FAM110B: variants seen among roughly 807,000 people sequenced by gnomAD.
FAM110B encodes protein FAM110B.
A neutral mutation model predicts 20.4 loss-of-function variants in FAM110B; 6 were observed. That is an observed-to-expected ratio of 0.29 (90% CI 0.16 to 0.58). The LOEUF (loss-of-function observed/expected upper bound fraction) is 0.58, where lower values mean the gene tolerates loss of function less well. FAM110B is among the 20% of genes least tolerant of loss of function. FAM110B has a pLI of 0.90. For synonymous variants in FAM110B, 226 were observed against 214.1 expected, an observed-to-expected ratio of 1.06 and a Z score of -0.49; for missense variants, 434 against 498.2, an observed-to-expected ratio of 0.87 and a Z score of 1.23.
At chr8:57,999,021 A>G (rs1333133859) in intron 1 of FAM110B, among the ~76,000 whole-genome samples, 1 of 152,216 alleles carries the variant, frequency 6.6e-6, no homozygotes. Flanking sequence ...AGAAACTGGC[A>G]TTCAAAGACA....
At chr8:58,126,211 C>A (rs572888264) in intron 3 of FAM110B, among the ~76,000 whole-genome samples, 1 of 151,940 alleles carries the variant, frequency 6.6e-6, no homozygotes, top group African/African-American at 2.4e-5. Context: ...ACATCCCAGT[C>A]GTTGCATGCC....
chr8:58,020,538 G>A (rs1212561970), intron 1 of FAM110B, among the ~76,000 whole-genome samples: 1 of 152,180 alleles, frequency 6.6e-6, no homozygotes, highest in African/African-American at 2.4e-5. Flanking sequence ...ATTAGGTTGA[G>A]TTCACCTAAT....
chr8:58,005,617 A>T lies in FAM110B; in HGVS notation c.-512+10811A>T, dbSNP rs182066904. Among the ~76,000 whole-genome samples the T allele has an allele frequency of 8.5e-5, 13 of 152,350 alleles. No homozygotes were observed. In the East Asian group the frequency reaches 2.5e-3, roughly 29 times the overall value. ...TGGTGAACATTGTCTATGAAACAAAAACAGTGGTGTCGTTGATACCCCTTT... is the reference window on the plus strand; with the variant it reads ...TGGTGAACATTGTCTATGAAACAAATACAGTGGTGTCGTTGATACCCCTTT... On this transcript the variant is annotated intron_variant, in intron 1 of 3. Transcript: ENST00000519262.
At chr8:58,026,208 A>G (rs1585821299) in intron 1 of FAM110B, among the ~76,000 whole-genome samples, 1 of 152,244 alleles carries the variant, frequency 6.6e-6, no homozygotes, top group Non-Finnish European at 1.5e-5. Flanking sequence ...TATTTCTGCC[A>G]TAGCTAACAG....
At chr8:58,068,632 G>C (rs749822917) in intron 2 of FAM110B, among the ~76,000 whole-genome samples, 2 of 151,716 alleles carry the variant, frequency 1.3e-5, no homozygotes, top group Admixed American at 1.3e-4. Context: ...AGGGAAGTTT[G>C]CATTTTATCT....
intron 3 of FAM110B, among the ~76,000 whole-genome samples, chr8:58,098,166 C>G (rs1395618468): frequency 6.6e-6 from 1 of 152,240 alleles, no homozygotes; most frequent in Non-Finnish European, 1.5e-5. Flanking sequence ...CCCAGGTGTT[C>G]TGTCCCAGGG....
chr8:58,106,612 G>C (rs897504155), intron 3 of FAM110B, among the ~76,000 whole-genome samples: 3 of 152,134 alleles, frequency 2.0e-5, no homozygotes, highest in Non-Finnish European at 4.4e-5. Context: ...GAGGAATGGG[G>C]TTTTGACAGA....
chr8:58,088,123 T>C (rs1585875379), intron 3 of FAM110B, among the ~76,000 whole-genome samples: 1 of 152,222 alleles, frequency 6.6e-6, no homozygotes, highest in African/African-American at 2.4e-5. Flanking sequence ...TTTATTTTGA[T>C]AGTAGTTTTA....
intron 3 of FAM110B, among the ~76,000 whole-genome samples, chr8:58,079,783 A>T (rs947663494): frequency 7.5e-6 from 1 of 133,510 alleles, no homozygotes; most frequent in Non-Finnish European, 1.5e-5. Flanking sequence ...CCCTATCTTT[A>T]AAAAAAAAAA....
intron 2 of FAM110B, among the ~76,000 whole-genome samples, chr8:58,067,843 C>T (rs530163261): frequency 6.6e-6 from 1 of 152,276 alleles, no homozygotes; most frequent in South Asian, 2.1e-4. Flanking sequence ...CAAGAGGACT[C>T]ATTCCAGAGG....
chr8:58,054,876 AAC>A (rs1206792493), intron 2 of FAM110B, among the ~76,000 whole-genome samples: 1 of 152,090 alleles, frequency 6.6e-6, no homozygotes, highest in Non-Finnish European at 1.5e-5. Flanking sequence ...CTTAAAAATT[AAC>A]AGTTATTTCA....
intron 3 of FAM110B, among the ~76,000 whole-genome samples, chr8:58,129,059 G>A (rs1807584182): frequency 6.6e-6 from 1 of 152,102 alleles, no homozygotes; most frequent in Non-Finnish European, 1.5e-5. Flanking sequence ...AATAGATGAA[G>A]GTTTAAAAGA....
At position 58,147,043 on chromosome 8, in the gene FAM110B, C is replaced by T. The variant is rs751769020; in HGVS notation, c.813C>T (p.Asp271=). The stretch of plus-strand genomic sequence containing the variant: ...TGAGTGACAGATATTTCCGAGTGGA[C>T]GCGGACGTGGAGAGGTTCTTCAACT... ...SDLSDRYFRV[D]ADVERFFNYC... Residue 271 remains aspartate, a synonymous_variant, in exon 4 of 4, where the codon GAC becomes GAT. Transcript: ENST00000519262. 3 of 1,614,188 alleles carry T rather than the reference C, an allele frequency of 1.9e-6. No homozygotes were observed. Among genetic ancestry groups the T allele is most frequent in the Non-Finnish European group, 2.5e-6 (3 of 1,180,038 alleles).
chr8:58,065,355 A>G (rs1366949502), intron 2 of FAM110B, among the ~76,000 whole-genome samples: 2 of 152,236 alleles, frequency 1.3e-5, no homozygotes, highest in African/African-American at 4.8e-5. Context: ...AAAATTTTAT[A>G]GGAATTATTC....
At chr8:57,996,812 A>ATATGTC (rs1804193051) in intron 1 of FAM110B, among the ~76,000 whole-genome samples, 1 of 152,212 alleles carries the variant, frequency 6.6e-6, no homozygotes, top group Admixed American at 6.5e-5. Context: ...TAAAAGATAA[A>ATATGTC]TATGTCTACT....
At chr8:58,084,852 G>T (rs919319048) in intron 3 of FAM110B, among the ~76,000 whole-genome samples, 1 of 152,100 alleles carries the variant, frequency 6.6e-6, no homozygotes, top group African/African-American at 2.4e-5. Flanking sequence ...GGATTTTATG[G>T]ATCATTACCA....
chr8:58,078,488 G>A (rs1806093236), intron 3 of FAM110B, among the ~76,000 whole-genome samples: 1 of 150,178 alleles, frequency 6.7e-6, no homozygotes, highest in Non-Finnish European at 1.5e-5. Flanking sequence ...TTAAGTAATT[G>A]ATAAAGTCAG....
intron 3 of FAM110B, among the ~76,000 whole-genome samples, chr8:58,080,478 G>C (rs10113596): frequency 0.31 from 47,061 of 152,032 alleles, 9,981 homozygotes; most frequent in African/African-American, 0.61. Context: ...AAAACCTAGA[G>C]TTTCCAGACC....
At chr8:58,111,889 A>G (rs1807067363) in intron 3 of FAM110B, among the ~76,000 whole-genome samples, 1 of 152,212 alleles carries the variant, frequency 6.6e-6, no homozygotes. Context: ...TAACTAATAT[A>G]AGTGAAGTAA....
Sources: gnomAD v4.1 joint callset for allele counts (sites outside exome capture counted in the v4.1 genomes callset) on GRCh38, gnomAD v4.1.1 for gene constraint, MANE v1.5 for transcripts, NCBI Gene and HGNC (gene_info 2026-07-23, HGNC 2026-07-21) for gene names.